MCF2L2: variants seen among roughly 807,000 people sequenced by gnomAD.
The protein encoded by MCF2L2 is probable guanine nucleotide exchange factor MCF2L2.
A neutral mutation model predicts 150.2 loss-of-function variants in MCF2L2; 102 were observed. The ratio of observed to expected loss-of-function variants is 0.68; its 90% CI spans 0.58 to 0.80. The LOEUF is 0.80. Among genes scored for constraint, MCF2L2 ranks in the 30% least tolerant of loss-of-function variants. The pLI is 0.00. For synonymous variants in MCF2L2, 465 were observed against 491.3 expected (o/e 0.95, Z 0.71); for missense variants, 1,256 against 1,372.8 (o/e 0.91, Z 1.34).
At chr3:183,368,196 T>C (rs1054840921) in intron 3 of MCF2L2, among the ~76,000 whole-genome samples, 6 of 152,206 alleles carry the variant, frequency 3.9e-5, no homozygotes, top group Admixed American at 3.9e-4. Context: ...TATTTGGCCC[T>C]ACCCCTAGAC....
chr3:183,249,480 G>C (rs552880085), intron 15 of MCF2L2, among the ~76,000 whole-genome samples: 4 of 152,142 alleles, frequency 2.6e-5, no homozygotes, highest in Non-Finnish European at 5.9e-5. Flanking sequence ...CTTATGCGTT[G>C]GTGTGAAGGA....
rs781516085 is a variant in MCF2L2, at chr3:183,270,236, G to A, written c.1862+6636C>T. 15 of 1,613,990 alleles carry A rather than the reference G, an allele frequency of 9.3e-6. No homozygotes were observed. In the Admixed American group the frequency reaches 1.2e-4, roughly 13 times the overall value. ...AGGGAGAAGAACTACAAAGAAAACT[G>A]GCTTGGGAAGATCAAAGGTACAATG... On this transcript the variant is annotated intron_variant, in intron 15 of 29. Coordinates refer to ENST00000328913, the MANE Select transcript of MCF2L2 (RefSeq NM_015078.4). The surrounding 1 kb of genome is among the most constrained non-coding windows in gnomAD (Gnocchi z 4.5).
intron 3 of MCF2L2, among the ~76,000 whole-genome samples, chr3:183,348,426 G>A (rs920630169): frequency 6.6e-6 from 1 of 151,006 alleles, no homozygotes; most frequent in African/African-American, 2.4e-5. Context: ...GGGTAGGGGG[G>A]GCGAGGGGAG....
intron 8 of MCF2L2, 139 bp downstream of exon 8, chr3:183,311,509 C>A: frequency 3.2e-6 from 3 of 947,604 alleles, no homozygotes; most frequent in Non-Finnish European, 4.7e-6. Flanking sequence ...TTCTTTTTTC[C>A]TTTGTTGTCT....
At chr3:183,342,782 T>C (rs1317126713) in intron 3 of MCF2L2, among the ~76,000 whole-genome samples, 2 of 152,138 alleles carry the variant, frequency 1.3e-5, no homozygotes, top group African/African-American at 4.8e-5. Flanking sequence ...TTAAGTCTTA[T>C]GTGCTTGTCA....
intron 1 of MCF2L2, among the ~76,000 whole-genome samples, chr3:183,419,049 T>C (rs749482007): frequency 6.6e-6 from 1 of 152,248 alleles, no homozygotes; most frequent in Non-Finnish European, 1.5e-5. Flanking sequence ...ATACATCCTC[T>C]GAAATCTAGG....
rs866385625 is a variant in MCF2L2, at chr3:183,428,220, G to A, written c.-243C>T. On this transcript the variant is annotated 5_prime_UTR_variant, in exon 1 of 30. Transcript: ENST00000328913. The surrounding 1 kb of genome is among the most constrained non-coding windows in gnomAD (Gnocchi z 5.1). ...CAGCGTCGCAGCTGGACCGAGAGAG[G>A]AGCGGCCGTTCTGCAAAAGGAAGCA... The A allele has an allele frequency of 9.6e-5, 47 of 487,360 alleles. No homozygotes were observed. The highest frequency in any genetic ancestry group is 5.4e-4 in the Middle Eastern group (1 of 1,862). The allele number at this position is 487,360 out of a possible 1,614,324, so 30.2% of individuals were successfully genotyped here. A position where few individuals can be genotyped will look rare whatever the true frequency, so the allele number is the denominator to read the frequency against.
rs1259043329 is a variant in MCF2L2 at position 183,220,593 on chromosome 3, AG to A, written c.2302-670del. On this transcript the variant is annotated intron_variant, in intron 20 of 29. Transcript: ENST00000328913. ...GGAATTGTAAATGTTAAGAGTTTTG[AG>A]GCATATTTCCAAGTTCTTCAGAGAA... Among the ~76,000 whole-genome samples, 4 of 152,298 alleles carry A rather than the reference AG, an allele frequency of 2.6e-5. No individual in the cohort carries two copies. The East Asian group carries it at 5.8e-4, about 22-fold the overall frequency.
intron 17 of MCF2L2, among the ~76,000 whole-genome samples, chr3:183,228,840 A>C (rs1035863613): frequency 3.9e-5 from 6 of 152,200 alleles, no homozygotes; most frequent in Admixed American, 3.9e-4. Flanking sequence ...AATATCATTG[A>C]CAGCTTACTA....
At chr3:183,349,035 T>C (rs1389009346) in intron 3 of MCF2L2, among the ~76,000 whole-genome samples, 1 of 152,194 alleles carries the variant, frequency 6.6e-6, no homozygotes, top group Non-Finnish European at 1.5e-5. Flanking sequence ...TCTTTTCAAA[T>C]GCTCATGGAA....
chr3:183,235,257 C>A (rs1237992013), intron 15 of MCF2L2, among the ~76,000 whole-genome samples: 7 of 43,194 alleles, frequency 1.6e-4, no homozygotes, highest in African/African-American at 9.7e-4. Flanking sequence ...GTTCTAGATC[C>A]CTGAGGAATC....
intron 15 of MCF2L2, among the ~76,000 whole-genome samples, chr3:183,231,597 G>C (rs753642710): frequency 2.6e-5 from 4 of 151,436 alleles, no homozygotes; most frequent in African/African-American, 4.8e-5. Flanking sequence ...TAGGGCTACA[G>C]ATATGCACCA....
chr3:183,362,301 C>T (rs1293033895), intron 3 of MCF2L2, among the ~76,000 whole-genome samples: 1 of 152,050 alleles, frequency 6.6e-6, no homozygotes, highest in South Asian at 2.1e-4. Flanking sequence ...GATGGACTTT[C>T]ACCACCTTGG....
At chr3:183,230,712 A>G (rs1723519390) in intron 16 of MCF2L2, among the ~76,000 whole-genome samples, 2 of 152,332 alleles carry the variant, frequency 1.3e-5, no homozygotes, top group South Asian at 2.1e-4. Flanking sequence ...TGGTAAACCT[A>G]TTTGGGCTTT....
Position 183,270,847 on chromosome 3 carries a change from G to A in MCF2L2, c.1862+6025C>T. On this transcript the variant is annotated intron_variant, in intron 15 of 29. Coordinates refer to ENST00000328913, the MANE Select transcript of MCF2L2 (RefSeq NM_015078.4). This position sits in a 1 kb window ranked among gnomAD's most constrained non-coding sequence, Gnocchi z 4.5. Reference sequence around the variant, plus strand: ...AAAACCATTTCCAAAGGTTTTTTTGGTCAAATATACTGCAGATTAATGAAG... The same window carrying A: ...AAAACCATTTCCAAAGGTTTTTTTGATCAAATATACTGCAGATTAATGAAG... 6.2e-7 allele frequency: 1 copy of A among 1,613,552 alleles called. No homozygotes were observed.
intron 13 of MCF2L2, among the ~76,000 whole-genome samples, chr3:183,292,071 G>C (rs1300704615): frequency 6.7e-6 from 1 of 148,264 alleles, no homozygotes; most frequent in Non-Finnish European, 1.5e-5. Context: ...AAGTGTGTGA[G>C]AGTGTATGTG....
chr3:183,388,000 G>C (rs185827131), intron 2 of MCF2L2, among the ~76,000 whole-genome samples: 2 of 151,004 alleles, frequency 1.3e-5, no homozygotes, highest in Admixed American at 1.3e-4. Flanking sequence ...CTGAGGTTTA[G>C]AGAAGTAAGT....
At chr3:183,389,662 A>G (rs1478135887) in intron 2 of MCF2L2, 34 bp downstream of exon 2, 1 of 1,586,894 alleles carries the variant, frequency 6.3e-7, no homozygotes, top group East Asian at 2.2e-5. Context: ...CCCCCCCATC[A>G]AAATCTGGAA....
At chr3:183,213,064 C>T (rs1722794091) in intron 22 of MCF2L2, among the ~76,000 whole-genome samples, 1 of 151,852 alleles carries the variant, frequency 6.6e-6, no homozygotes, top group South Asian at 2.1e-4. Flanking sequence ...AAAGAGGAAA[C>T]TGAAATAGAA....
Sources: gnomAD v4.1 joint callset for allele counts (sites outside exome capture counted in the v4.1 genomes callset) on GRCh38, gnomAD v4.1.1 for gene constraint, Gnocchi (gnomAD v3.1) non-coding constraint, MANE v1.5 for transcripts, NCBI Gene and HGNC (gene_info 2026-07-23, HGNC 2026-07-21) for gene names.